Variants in SKIC3 observed in about 807,000 individuals in gnomAD.
The protein encoded by SKIC3 is SKI3 subunit of superkiller complex, also known as superkiller complex protein 3.
the SKIC3 span, among the ~76,000 whole-genome samples, chr5:95,534,558 C>T: frequency 6.6e-6 from 1 of 152,164 alleles, no homozygotes; most frequent in Non-Finnish European, 1.5e-5. Context: ...AAAAGCCTCA[C>T]AATCATAAAC....
At chr5:95,506,728 A>C in the SKIC3 span, among the ~76,000 whole-genome samples, 32 of 152,320 alleles carry the variant, frequency 2.1e-4, no homozygotes, top group Admixed American at 1.1e-3. Context: ...ACAAACCATG[A>C]GTTCTAACTC....
chr5:95,484,718 A>C, the SKIC3 span: 2 of 1,614,030 alleles, frequency 1.2e-6, no homozygotes, highest in Non-Finnish European at 1.7e-6. Context: ...ACATTCCATA[A>C]AATACCTTTG....
chr5:95,514,928 GA>G, the SKIC3 span: 3 of 1,611,174 alleles, frequency 1.9e-6, no homozygotes, highest in Non-Finnish European at 2.5e-6. Context: ...AGCTTGCTAG[GA>G]AAAAAAGGCA....
chr5:95,499,918 T>C, the SKIC3 span, among the ~76,000 whole-genome samples: 3 of 152,128 alleles, frequency 2.0e-5, no homozygotes, highest in African/African-American at 7.2e-5. Flanking sequence ...GGAATCCCAG[T>C]TAATTTAAAT....
chr5:95,465,844 T>G, the SKIC3 span, among the ~76,000 whole-genome samples: 1 of 152,192 alleles, frequency 6.6e-6, no homozygotes, highest in South Asian at 2.1e-4. Flanking sequence ...CTTCCAAGGA[T>G]GTTCACTATA....
At chr5:95,468,621 T>C in the SKIC3 span, among the ~76,000 whole-genome samples, 4 of 152,190 alleles carry the variant, frequency 2.6e-5, no homozygotes, top group Non-Finnish European at 5.9e-5. Flanking sequence ...ACCATTAGTA[T>C]ATTCAGAACT....
the SKIC3 span, chr5:95,464,813 ACT>A: frequency 5.7e-6 from 4 of 697,512 alleles, no homozygotes; most frequent in East Asian, 2.8e-5. Context: ...AGGAAAAGTG[ACT>A]CTGTGCAATC....
the SKIC3 span, chr5:95,512,630 C>G: frequency 6.2e-7 from 1 of 1,613,648 alleles, no homozygotes; most frequent in Non-Finnish European, 8.5e-7. Context: ...TTTAAAAAAG[C>G]CAACGTTAAG....
chr5:95,509,511 C>T, the SKIC3 span: 4 of 1,066,120 alleles, frequency 3.8e-6, no homozygotes, highest in Non-Finnish European at 5.7e-6. Context: ...CCGGTTCTCC[C>T]AACGCACAGG....
chr5:95,523,588 TA>T, the SKIC3 span: 14 of 1,525,558 alleles, frequency 9.2e-6, no homozygotes, highest in African/African-American at 1.3e-4. Flanking sequence ...TATACATATA[TA>T]AAAATATTTT....
the SKIC3 span, chr5:95,495,629 CA>C: frequency 2.0e-5 from 3 of 152,640 alleles, no homozygotes; most frequent in Non-Finnish European, 4.4e-5. Context: ...AGTCGAGTAA[CA>C]ATGGTCTTCC....
the SKIC3 span, among the ~76,000 whole-genome samples, chr5:95,541,000 CTT>C: frequency 2.1e-4 from 32 of 152,212 alleles, no homozygotes; most frequent in Non-Finnish European, 3.2e-4. Context: ...GAGTTTTGCT[CTT>C]GTTTCCCAGG....
the SKIC3 span, among the ~76,000 whole-genome samples, chr5:95,527,148 G>A: frequency 6.6e-6 from 1 of 152,130 alleles, no homozygotes; most frequent in African/African-American, 2.4e-5. Flanking sequence ...TTTGTAGTCT[G>A]AGCCCTTTTA....
the SKIC3 span, chr5:95,491,142 CT>C: frequency 4.8e-6 from 7 of 1,473,262 alleles, no homozygotes; most frequent in East Asian, 2.5e-5. Context: ...AAAATTGTAT[CT>C]AAAAAAAAAT....
the SKIC3 span, among the ~76,000 whole-genome samples, chr5:95,469,496 A>G: frequency 1.3e-5 from 2 of 152,230 alleles, no homozygotes; most frequent in African/African-American, 4.8e-5. Flanking sequence ...TGAAGAACAA[A>G]AACTCCAAGA....
At chr5:95,513,543 T>C in the SKIC3 span, 137 of 1,605,138 alleles carry the variant, frequency 8.5e-5, no homozygotes, top group Non-Finnish European at 1.0e-4. Context: ...CATTAATGAA[T>C]CCTCAAGAAG....
chr5:95,511,555 A>C, the SKIC3 span, among the ~76,000 whole-genome samples: 1 of 152,220 alleles, frequency 6.6e-6, no homozygotes, highest in African/African-American at 2.4e-5. Flanking sequence ...ATGCATGCAG[A>C]GTGCCACAAT....
At chr5:95,484,350 T>C in the SKIC3 span, among the ~76,000 whole-genome samples, 1 of 149,278 alleles carries the variant, frequency 6.7e-6, no homozygotes, top group African/African-American at 2.5e-5. Context: ...CTTTTTTTTT[T>C]TTTTTTTTTT....
At chr5:95,507,930 C>CA in the SKIC3 span, among the ~76,000 whole-genome samples, 6,799 of 138,700 alleles carry the variant, frequency 0.049, 201 homozygotes, top group African/African-American at 0.083. Flanking sequence ...CGATACATAC[C>CA]AAAAAAAAAA....
Sources: allele counts gnomAD v4.1 joint callset (sites outside exome capture counted in the v4.1 genomes callset), GRCh38; gene constraint gnomAD v4.1.1; transcripts MANE v1.5; gene names NCBI Gene and HGNC (gene_info 2026-07-23, HGNC 2026-07-21).